DIP2A: variants seen among roughly 807,000 people sequenced by gnomAD.
DIP2A encodes the protein DIP2 acetate--CoA ligase A.
A neutral mutation model predicts 177.4 loss-of-function variants in DIP2A; 85 were observed. The ratio of observed to expected loss-of-function variants is 0.48; its 90% CI spans 0.40 to 0.57. The LOEUF is 0.57. DIP2A is among the 20% of genes least tolerant of loss of function. The pLI, the probability that DIP2A is intolerant of heterozygous loss-of-function variation, is 0.00. For missense variants in DIP2A, 1,791 were observed against 2,100.2 expected, an observed-to-expected ratio of 0.85 and a Z score of 2.88; for synonymous variants, 886 against 881.8, an observed-to-expected ratio of 1.00 and a Z score of -0.08.
chr21:46,502,979 T>G (rs1402025936), intron 5 of DIP2A, among the ~76,000 whole-genome samples: 7 of 152,152 alleles, frequency 4.6e-5, no homozygotes, highest in Admixed American at 4.6e-4. Context: ...CTTTTACATA[T>G]GTTCCAGATC....
intron 8 of DIP2A, among the ~76,000 whole-genome samples, chr21:46,518,331 G>A (rs953254795): frequency 1.3e-5 from 2 of 152,096 alleles, no homozygotes; most frequent in South Asian, 2.1e-4. Flanking sequence ...TGGCATCACC[G>A]TTCTCCAGTT....
intron 1 of DIP2A, among the ~76,000 whole-genome samples, chr21:46,474,902 G>A (rs1173571377): frequency 6.6e-6 from 1 of 152,240 alleles, no homozygotes; most frequent in Non-Finnish European, 1.5e-5. Flanking sequence ...TGCAGCAGAT[G>A]TACAGTGCAT....
chr21:46,539,988 G>A lies in DIP2A; in HGVS notation c.2033G>A (p.Arg678His), dbSNP rs573159135. Residue 678 changes from arginine (R) to histidine (H), a missense_variant, in exon 17 of 38, where the codon CGC becomes CAC. Physicochemically the swap from Arg to His is conservative, Grantham distance 29. Coordinates refer to ENST00000417564, the MANE Select transcript of DIP2A (RefSeq NM_015151.4). ...SSPEALTVAI[R>H]RPPDLGGPPP... is the part of the protein sequence containing the mutation. ...CCTGAGGCGCTGACTGTCGCCATCC[G>A]CAGGTAACCTTATTCCTTGCTATGT... 33 of 1,612,900 alleles carry A rather than the reference G, an allele frequency of 2.0e-5. No homozygotes were observed. The highest frequency in any genetic ancestry group is 5.0e-5 in the Admixed American group (3 of 60,016).
chr21:46,575,711 T>G, the DIP2A span, among the ~76,000 whole-genome samples: 1 of 152,048 alleles, frequency 6.6e-6, no homozygotes, highest in Non-Finnish European at 1.5e-5. Flanking sequence ...ACTTATAAAA[T>G]GAAAAGTACA....
chr21:46,523,068 G>C (rs1658775203), intron 8 of DIP2A, among the ~76,000 whole-genome samples: 1 of 151,892 alleles, frequency 6.6e-6, no homozygotes, highest in Non-Finnish European at 1.5e-5. Flanking sequence ...TGGGATTACA[G>C]GCATGTGCCA....
At chr21:46,516,726 G>C (rs9979520) in intron 8 of DIP2A, among the ~76,000 whole-genome samples, 152,010 of 152,014 alleles carry the variant, frequency 1, 76,003 homozygotes, top group Non-Finnish European at 1. Flanking sequence ...ATCTCCTGAC[G>C]TCATGATCCA....
chr21:46,489,369 G>C (rs1465998649), intron 2 of DIP2A, among the ~76,000 whole-genome samples: 1 of 152,204 alleles, frequency 6.6e-6, no homozygotes. Flanking sequence ...CCAACATCCT[G>C]TGAGGGCTCC....
chr21:46,571,510 A>G (rs1201455315), downstream of DIP2A, among the ~76,000 whole-genome samples: 1 of 152,138 alleles, frequency 6.6e-6, no homozygotes, highest in Non-Finnish European at 1.5e-5. Flanking sequence ...TTTTCACGAT[A>G]TTGGTTCTTC....
intron 5 of DIP2A, among the ~76,000 whole-genome samples, chr21:46,501,306 A>G (rs913442613): frequency 3.3e-5 from 5 of 152,220 alleles, no homozygotes; most frequent in African/African-American, 1.2e-4. Context: ...TTTTTTATAC[A>G]AATGTAAATA....
intron 17 of DIP2A, 41 bp downstream of exon 17, chr21:46,540,032 A>C: frequency 3.3e-6 from 5 of 1,509,992 alleles, no homozygotes; most frequent in Non-Finnish European, 4.6e-6. Flanking sequence ...CACTTAGTTG[A>C]ATCTTCTGCA....
At chr21:46,465,226 G>A (rs2839266) in intron 1 of DIP2A, among the ~76,000 whole-genome samples, 6,195 of 152,068 alleles carry the variant, frequency 0.041, 200 homozygotes, top group Non-Finnish European at 0.066. Context: ...CACTTATTCA[G>A]TAATTATTCA....
At chr21:46,489,963 G>A (rs1292500022) in intron 2 of DIP2A, among the ~76,000 whole-genome samples, 4 of 152,164 alleles carry the variant, frequency 2.6e-5, no homozygotes, top group East Asian at 1.9e-4. Flanking sequence ...GAGCAGCAGC[G>A]TGACCTTGAT....
intron 5 of DIP2A, among the ~76,000 whole-genome samples, chr21:46,503,276 T>G (rs1460352451): frequency 6.7e-6 from 1 of 150,098 alleles, no homozygotes; most frequent in African/African-American, 2.5e-5. Flanking sequence ...TGAGCCAAGA[T>G]TGTGCCACTG....
At chr21:46,523,625 C>T (rs1349761072) in intron 8 of DIP2A, among the ~76,000 whole-genome samples, 1 of 117,342 alleles carries the variant, frequency 8.5e-6, no homozygotes, top group Non-Finnish European at 1.9e-5. Flanking sequence ...GGTAACCTCC[C>T]AGGTGAAAAC....
intron 1 of DIP2A, among the ~76,000 whole-genome samples, chr21:46,463,981 T>A (rs1185743704): frequency 6.6e-6 from 1 of 151,644 alleles, no homozygotes; most frequent in Non-Finnish European, 1.5e-5. Flanking sequence ...GTGCTGGGAT[T>A]ACAGGCATGA....
Position 46,490,591 on chromosome 21 carries a change from G to T in DIP2A, c.164-9G>T. On this transcript the variant is annotated splice_polypyrimidine_tract_variant and intron_variant, in intron 2 of 37. Transcript: ENST00000417564. ...TCACATAAGGTATTCCCATAAAATTGTGTTTCAGGAATAGACCCATCTCTG... is the reference window on the plus strand; with the variant it reads ...TCACATAAGGTATTCCCATAAAATTTTGTTTCAGGAATAGACCCATCTCTG... The T allele has an allele frequency of 6.4e-7, 1 of 1,550,660 alleles. No individual in the cohort carries two copies. The highest frequency in any genetic ancestry group is 8.7e-7 in the Non-Finnish European group (1 of 1,148,290).
Position 46,556,979 on chromosome 21 carries a change from A to G in DIP2A, c.3539A>G (p.Lys1180Arg). The change falls in exon 30 of 38, where the codon AAG (lysine) becomes AGG (arginine). Residue 1180 changes from lysine (K) to arginine (R), a missense_variant. By Grantham distance (26) the Lys-to-Arg change is conservative. Coordinates refer to ENST00000417564, the MANE Select transcript of DIP2A (RefSeq NM_015151.4). This position sits in a 1 kb window ranked among gnomAD's most constrained non-coding sequence, Gnocchi z 4.5. ...ACAAGCGCCTTATGCCGCTCCATAA[A>G]GCTGCAGTGTGAGCTGTACCCCTCG... ...AATSALCRSI[K>R]LQCELYPSRQ... 1 of 1,599,292 alleles carries G rather than the reference A, an allele frequency of 6.3e-7. No homozygotes were observed.
chr21:46,466,102 G>C (rs539652977), intron 1 of DIP2A, among the ~76,000 whole-genome samples: 1 of 152,042 alleles, frequency 6.6e-6, no homozygotes, highest in Admixed American at 6.6e-5. Flanking sequence ...AATAGTTAAC[G>C]ACTTCTTTGA....
Position 46,563,736 on chromosome 21 carries a change from C to T in DIP2A, c.4090-122C>T. 1 of 1,426,502 alleles carries T rather than the reference C, an allele frequency of 7.0e-7. No individual in the cohort carries two copies. Among genetic ancestry groups the T allele is most frequent in the Non-Finnish European group, 9.2e-7 (1 of 1,081,998 alleles). 88.4% of individuals were successfully genotyped at this position (1,426,502 alleles called of 1,614,324 possible). A position where few individuals can be genotyped will look rare whatever the true frequency, so the allele number is the denominator to read the frequency against. Reference sequence around the variant, plus strand: ...TTGGAGCGGCCTCTAAACTTCCTGACCTGACATGAGCACATCAGTCCTGCA... The same window carrying T: ...TTGGAGCGGCCTCTAAACTTCCTGATCTGACATGAGCACATCAGTCCTGCA... On this transcript the variant is annotated intron_variant, in intron 34 of 37. Coordinates refer to ENST00000417564, the MANE Select transcript of DIP2A (RefSeq NM_015151.4). The surrounding 1 kb of genome is among the most constrained non-coding windows in gnomAD (Gnocchi z 4.3).
Sources: allele counts gnomAD v4.1 joint callset (sites outside exome capture counted in the v4.1 genomes callset), GRCh38; gene constraint gnomAD v4.1.1; non-coding constraint Gnocchi (gnomAD v3.1); transcripts MANE v1.5; gene names NCBI Gene and HGNC (gene_info 2026-07-23, HGNC 2026-07-21).